Variants in ROBO1 observed in about 807,000 individuals in gnomAD.
ROBO1 encodes roundabout homolog 1.
A neutral mutation model predicts 195.9 loss-of-function variants in ROBO1; 149 were observed. That is an observed-to-expected ratio of 0.76 (90% CI 0.67 to 0.87). The LOEUF (loss-of-function observed/expected upper bound fraction) is 0.87, where lower values mean the gene tolerates loss of function less well. ROBO1 is among the 40% of genes least tolerant of loss of function. ROBO1 has a pLI of 0.00. For missense variants in ROBO1, 1,933 were observed against 2,068.3 expected (o/e 0.93, Z 1.27); for synonymous variants, 816 against 733.2 (o/e 1.11, Z -1.82).
chr3:79,647,672 A>G (rs971250943), intron 1 of ROBO1, among the ~76,000 whole-genome samples: 2 of 151,982 alleles, frequency 1.3e-5, no homozygotes, highest in African/African-American at 4.8e-5. Flanking sequence ...ATCCATCCCA[A>G]AATATCGCTG....
intron 4 of ROBO1, among the ~76,000 whole-genome samples, chr3:78,934,786 C>G (rs1370159825): frequency 6.6e-6 from 1 of 151,856 alleles, no homozygotes; most frequent in East Asian, 1.9e-4. Flanking sequence ...TCTGATGATA[C>G]ACACATAGAC....
At chr3:79,330,735 C>T (rs921368184) in intron 2 of ROBO1, among the ~76,000 whole-genome samples, 2 of 144,266 alleles carry the variant, frequency 1.4e-5, no homozygotes, top group African/African-American at 2.5e-5. Flanking sequence ...TCTTGTTTTT[C>T]GTAGAAATAT....
chr3:79,349,994 T>C (rs545515979), intron 2 of ROBO1, among the ~76,000 whole-genome samples: 1 of 152,138 alleles, frequency 6.6e-6, no homozygotes, highest in Admixed American at 6.5e-5. Context: ...ATTAAGAAAG[T>C]GAAAACACAA....
intron 4 of ROBO1, among the ~76,000 whole-genome samples, chr3:78,751,155 C>G (rs544237724): frequency 9.9e-5 from 15 of 152,146 alleles, no homozygotes; most frequent in Non-Finnish European, 2.2e-4. Context: ...TATTTGTGAA[C>G]TACATACAAT....
intron 7 of ROBO1, among the ~76,000 whole-genome samples, chr3:78,716,783 C>G (rs1426304677): frequency 2.0e-5 from 3 of 152,090 alleles, no homozygotes; most frequent in East Asian, 1.9e-4. Context: ...GGCACATTCC[C>G]TAAGGCTCCC....
At chr3:79,286,244 G>A (rs542807234) in intron 2 of ROBO1, among the ~76,000 whole-genome samples, 1 of 152,160 alleles carries the variant, frequency 6.6e-6, no homozygotes, top group East Asian at 1.9e-4. Flanking sequence ...TTTCTTTATG[G>A]ACATTTAAAC....
chr3:78,765,526 A>AT (rs1221365943), intron 4 of ROBO1, among the ~76,000 whole-genome samples: 1 of 152,156 alleles, frequency 6.6e-6, no homozygotes, highest in Non-Finnish European at 1.5e-5. Context: ...CTTCATGAAG[A>AT]TAGTGCTTTT....
intron 2 of ROBO1, among the ~76,000 whole-genome samples, chr3:79,430,618 C>T (rs1158282316): frequency 2.0e-5 from 3 of 152,090 alleles, no homozygotes; most frequent in Non-Finnish European, 4.4e-5. Context: ...TGAATGGTTG[C>T]AGAAATGAAA....
At chr3:79,638,988 G>A (rs902764929) in intron 1 of ROBO1, among the ~76,000 whole-genome samples, 2 of 152,016 alleles carry the variant, frequency 1.3e-5, no homozygotes, top group Non-Finnish European at 2.9e-5. Context: ...TCTAAAAACT[G>A]GTAATGTAAA....
intron 3 of ROBO1, among the ~76,000 whole-genome samples, chr3:79,111,373 G>A (rs2079883636): frequency 6.6e-6 from 1 of 152,082 alleles, no homozygotes; most frequent in Non-Finnish European, 1.5e-5. Flanking sequence ...GAATTAGCTG[G>A]ATGGGTTCAG....
chr3:79,001,932 C>T (rs1559578478), intron 3 of ROBO1, among the ~76,000 whole-genome samples: 3 of 151,672 alleles, frequency 2.0e-5, no homozygotes, highest in African/African-American at 4.8e-5. Context: ...CTTAGAAATG[C>T]TTTTTTTTAG....
intron 4 of ROBO1, among the ~76,000 whole-genome samples, chr3:78,854,176 TCA>T (rs1490531465): frequency 1.3e-5 from 2 of 151,402 alleles, no homozygotes; most frequent in Admixed American, 1.3e-4. Flanking sequence ...CCTGTAAATT[TCA>T]GTTTGCCTGC....
At chr3:79,375,995 G>A (rs997887553) in intron 2 of ROBO1, among the ~76,000 whole-genome samples, 14 of 152,120 alleles carry the variant, frequency 9.2e-5, no homozygotes, top group South Asian at 2.1e-4. Flanking sequence ...CAGGACTGAA[G>A]GATTTTTCTT....
Position 79,707,888 on chromosome 3 carries a change from G to GA in ROBO1, c.-51+59863dup, listed in dbSNP as rs202184664. 2.7e-3 allele frequency among the ~76,000 whole-genome samples: 409 copies of GA among 152,104 alleles called. 2 individuals are homozygous for GA. Among genetic ancestry groups the GA allele is most frequent in the African/African-American group, 9.1e-3 (378 of 41,498 alleles). On this transcript the variant is annotated intron_variant, in intron 1 of 30. Transcript: ENST00000464233. Reference sequence around the variant, plus strand: ...TACATAAAGAATCCAAAGTTATTTGGAAAAAATATAAATAACTAATCTTTA... The same window carrying GA: ...TACATAAAGAATCCAAAGTTATTTGGAAAAAAATATAAATAACTAATCTTTA...
chr3:79,391,303 A>T (rs1055790344), intron 2 of ROBO1, among the ~76,000 whole-genome samples: 20 of 152,024 alleles, frequency 1.3e-4, no homozygotes, highest in African/African-American at 4.1e-4. Context: ...AAATAAAACA[A>T]AAAACAAAAC....
chr3:79,164,068 C>T (rs1205571448), intron 2 of ROBO1, among the ~76,000 whole-genome samples: 1 of 152,050 alleles, frequency 6.6e-6, no homozygotes, highest in Non-Finnish European at 1.5e-5. Flanking sequence ...CAGTGAAATC[C>T]TCCAAAGGTC....
chr3:78,712,464 T>C (rs2081787023), intron 8 of ROBO1, among the ~76,000 whole-genome samples: 1 of 152,218 alleles, frequency 6.6e-6, no homozygotes, highest in African/African-American at 2.4e-5. Flanking sequence ...TCAGGTTTCC[T>C]TTGAATGTTT....
At chr3:79,576,049 CATATT>C (rs1943475035) in intron 2 of ROBO1, among the ~76,000 whole-genome samples, 1 of 151,902 alleles carries the variant, frequency 6.6e-6, no homozygotes, top group South Asian at 2.1e-4. Flanking sequence ...TTTGTCATAA[CATATT>C]ATGACTTCTC....
intron 2 of ROBO1, among the ~76,000 whole-genome samples, chr3:79,194,375 T>TA (rs2081593310): frequency 6.6e-6 from 1 of 151,604 alleles, no homozygotes; most frequent in South Asian, 2.1e-4. Flanking sequence ...AAGTCATTTT[T>TA]ATTGGTGGTG....
Sources: allele counts gnomAD v4.1 joint callset (sites outside exome capture counted in the v4.1 genomes callset), GRCh38; gene constraint gnomAD v4.1.1; transcripts MANE v1.5; gene names NCBI Gene and HGNC (gene_info 2026-07-23, HGNC 2026-07-21).